The following ARHGAP24 variants were observed in gnomAD, a reference collection of about 807,000 sequenced individuals.
ARHGAP24 encodes rho GTPase-activating protein 24.
A neutral mutation model predicts 76.4 loss-of-function variants in ARHGAP24; 50 were observed. That is an observed-to-expected ratio of 0.65 (90% CI 0.52 to 0.83). The LOEUF is 0.83. ARHGAP24 is among the 40% of genes least tolerant of loss of function. The probability of loss-of-function intolerance (pLI) is 0.00; values close to 1 mark genes in which losing one functional copy is unlikely to be tolerated. For missense variants in ARHGAP24, 930 were observed against 914.2 expected, an observed-to-expected ratio of 1.02 and a Z score of -0.22; for synonymous variants, 345 against 323.3, an observed-to-expected ratio of 1.07 and a Z score of -0.72.
intron 1 of ARHGAP24, among the ~76,000 whole-genome samples, chr4:85,482,065 G>C (rs1165498724): frequency 1.3e-5 from 2 of 152,256 alleles, no homozygotes; most frequent in South Asian, 2.1e-4. Flanking sequence ...GAACTATCTG[G>C]TTTAAAATTT....
chr4:85,749,968 A>G (rs1578195694), intron 3 of ARHGAP24, among the ~76,000 whole-genome samples: 1 of 152,052 alleles, frequency 6.6e-6, no homozygotes, highest in African/African-American at 2.4e-5. Flanking sequence ...CAGCAGCGGC[A>G]GCAGCAGCAA....
At chr4:85,731,279 A>C (rs1725398930) in intron 3 of ARHGAP24, among the ~76,000 whole-genome samples, 1 of 152,168 alleles carries the variant, frequency 6.6e-6, no homozygotes, top group South Asian at 2.1e-4. Context: ...TTATAGGTTT[A>C]AGAGTCAGTA....
At chr4:85,480,165 G>T (rs1239546412) in intron 1 of ARHGAP24, among the ~76,000 whole-genome samples, 1 of 152,046 alleles carries the variant, frequency 6.6e-6, no homozygotes, top group Non-Finnish European at 1.5e-5. Context: ...ACTACTGAGA[G>T]TCAATATAAA....
intron 3 of ARHGAP24, among the ~76,000 whole-genome samples, chr4:85,784,502 G>A (rs535198769): frequency 8.6e-5 from 13 of 151,978 alleles, no homozygotes; most frequent in East Asian, 1.9e-4. Flanking sequence ...TGTAACAAAC[G>A]TCCCCTTCCT....
At chr4:85,661,288 A>G (rs1055705505) in intron 2 of ARHGAP24, among the ~76,000 whole-genome samples, 1 of 152,206 alleles carries the variant, frequency 6.6e-6, no homozygotes, top group Admixed American at 6.5e-5. Flanking sequence ...TGAATCTAAG[A>G]AACCATAGAA....
intron 3 of ARHGAP24, among the ~76,000 whole-genome samples, chr4:85,841,050 C>T (rs1313375519): frequency 1.3e-5 from 2 of 152,294 alleles, no homozygotes; most frequent in African/African-American, 4.8e-5. Flanking sequence ...TTTTACTTAC[C>T]TCAGTTCCAT....
intron 7 of ARHGAP24, 114 bp downstream of exon 7, chr4:85,975,075 C>A: frequency 1.1e-6 from 1 of 921,736 alleles, no homozygotes; most frequent in Non-Finnish European, 1.7e-6. Flanking sequence ...TAGTGTTGGC[C>A]TCTGTAAAAT....
At chr4:85,773,250 C>T (rs1026314457) in intron 3 of ARHGAP24, among the ~76,000 whole-genome samples, 17 of 152,112 alleles carry the variant, frequency 1.1e-4, no homozygotes, top group African/African-American at 3.6e-4. Flanking sequence ...GTCCTTTAGA[C>T]GACCTGTCCC....
At chr4:85,976,375 C>G (rs1739327731) in intron 7 of ARHGAP24, among the ~76,000 whole-genome samples, 1 of 152,092 alleles carries the variant, frequency 6.6e-6, no homozygotes, top group Non-Finnish European at 1.5e-5. Flanking sequence ...TTAGCTTTGC[C>G]CCTTACTAAC....
chr4:85,603,466 C>T (rs1420418612), intron 2 of ARHGAP24, among the ~76,000 whole-genome samples: 3 of 152,070 alleles, frequency 2.0e-5, no homozygotes, highest in Admixed American at 2.0e-4. Flanking sequence ...TCCAAAGCAT[C>T]CTTGTAAAGA....
At chr4:85,967,151 A>C (rs577326131) in intron 5 of ARHGAP24, among the ~76,000 whole-genome samples, 1 of 152,126 alleles carries the variant, frequency 6.6e-6, no homozygotes, top group Non-Finnish European at 1.5e-5. Context: ...CTAGATGATA[A>C]GTAGGACAGA....
chr4:85,982,790 G>T (rs1035869267), intron 8 of ARHGAP24, among the ~76,000 whole-genome samples: 2 of 151,548 alleles, frequency 1.3e-5, no homozygotes, highest in Non-Finnish European at 2.9e-5. Flanking sequence ...TAAGTTCTGG[G>T]GCACATGTAC....
chr4:85,838,600 A>G (rs1046247649), intron 3 of ARHGAP24, among the ~76,000 whole-genome samples: 2 of 152,236 alleles, frequency 1.3e-5, no homozygotes, highest in African/African-American at 2.4e-5. Flanking sequence ...CTCTGTCTCA[A>G]AGAAAAAGGC....
intron 3 of ARHGAP24, among the ~76,000 whole-genome samples, chr4:85,887,682 C>G (rs1311397313): frequency 6.6e-6 from 1 of 152,076 alleles, no homozygotes; most frequent in Non-Finnish European, 1.5e-5. Context: ...CTCCTTTTAC[C>G]TCTGTCATTA....
At chr4:85,580,935 A>G (rs1727582550) in intron 2 of ARHGAP24, among the ~76,000 whole-genome samples, 1 of 152,142 alleles carries the variant, frequency 6.6e-6, no homozygotes, top group Admixed American at 6.5e-5. Flanking sequence ...AATAATTCCT[A>G]TTTAACATCT....
intron 2 of ARHGAP24, among the ~76,000 whole-genome samples, chr4:85,659,502 CAT>C (rs1689398174): frequency 6.6e-6 from 1 of 152,164 alleles, no homozygotes; most frequent in Admixed American, 6.5e-5. Context: ...CAAGGCCTAA[CAT>C]AGCTTCTGGT....
At chr4:85,628,947 G>A (rs2110011078) in intron 2 of ARHGAP24, among the ~76,000 whole-genome samples, 1 of 152,270 alleles carries the variant, frequency 6.6e-6, no homozygotes, top group East Asian at 1.9e-4. Context: ...GCTATTCTAT[G>A]TGTTTTGACT....
rs1199796194 is a variant in ARHGAP24 at position 85,973,833 on chromosome 4, G to GT, written c.733-1028dup. On this transcript the variant is annotated intron_variant, in intron 6 of 9. Coordinates refer to ENST00000395184, the MANE Select transcript of ARHGAP24 (RefSeq NM_001025616.3). The stretch of plus-strand genomic sequence containing the variant: ...CTCATGTCAAAAACTGCTGCCTATT[G>GT]TTTTTTTTTTTTTTTTTTTTTTTTT... Among the ~76,000 whole-genome samples the GT allele has an allele frequency of 9.4e-3, 400 of 42,780 alleles. 101 individuals carry two copies. The highest frequency in any genetic ancestry group is 0.012 in the Non-Finnish European group (293 of 24,144). The allele number at this position is 42,780 out of a possible 152,430, so 28.1% of individuals were successfully genotyped here.
chr4:85,820,952 G>T (rs1338360283), intron 3 of ARHGAP24, among the ~76,000 whole-genome samples: 1 of 152,006 alleles, frequency 6.6e-6, no homozygotes, highest in Admixed American at 6.6e-5. Flanking sequence ...TGCAGGCATT[G>T]AAAATAACAA....
Sources: allele counts gnomAD v4.1 joint callset (sites outside exome capture counted in the v4.1 genomes callset), GRCh38; gene constraint gnomAD v4.1.1; transcripts MANE v1.5; gene names NCBI Gene and HGNC (gene_info 2026-07-23, HGNC 2026-07-21).